Variants in CPSF2 observed in about 807,000 individuals in gnomAD.
CPSF2 encodes cleavage and polyadenylation specificity factor subunit 2.
In CPSF2, 51 loss-of-function variants were observed where a neutral mutation model predicts 84.2. The ratio of observed to expected loss-of-function variants is 0.61; its 90% confidence interval spans 0.48 to 0.77. The LOEUF is 0.77. Ranked by LOEUF, CPSF2 falls within the 30% of genes least tolerant of loss-of-function variation. The probability of loss-of-function intolerance (pLI) is 0.00; values close to 1 mark genes in which losing one functional copy is unlikely to be tolerated. For missense variants in CPSF2, 641 were observed against 929.4 expected, an observed-to-expected ratio of 0.69 and a Z score of 4.03; for synonymous variants, 286 against 311.9, an observed-to-expected ratio of 0.92 and a Z score of 0.87.
intron 9 of CPSF2, among the ~76,000 whole-genome samples, chr14:92,149,322 G>A (rs2069182053): frequency 2.0e-5 from 3 of 152,200 alleles, no homozygotes; most frequent in African/African-American, 7.2e-5. Context: ...CATGGCCCAT[G>A]CCTATTCCTA....
chr14:92,161,086 T>C (rs761396009), intron 14 of CPSF2, 26 bp from the exon 15 acceptor site: 1 of 1,609,666 alleles, frequency 6.2e-7, no homozygotes, highest in East Asian at 2.2e-5. Flanking sequence ...CTTGAAGTTA[T>C]TCTTTCCCCT....
chr14:92,138,036 G>A (rs2069023421), intron 6 of CPSF2, among the ~76,000 whole-genome samples, 196 bp from the exon 7 acceptor site: 1 of 152,118 alleles, frequency 6.6e-6, no homozygotes, highest in Admixed American at 6.6e-5. Context: ...TCTGAGTAAT[G>A]GTACTCTGGA....
At chr14:92,130,928 T>G in intron 2 of CPSF2, 23 bp from the exon 3 acceptor site, 1 of 1,456,926 alleles carries the variant, frequency 6.9e-7, no homozygotes, top group Non-Finnish European at 9.4e-7. Context: ...TATGTTTAAT[T>G]ATGTTTTCAT....
intron 1 of CPSF2, among the ~76,000 whole-genome samples, chr14:92,123,871 T>A (rs566270383): frequency 6.6e-6 from 1 of 152,362 alleles, no homozygotes; most frequent in East Asian, 1.9e-4. Context: ...TATACAAAGA[T>A]GATCACTTTT....
rs1290126542 is a variant in CPSF2, at chr14:92,161,520, C to T, written c.2257-132C>T. 4.9e-6 allele frequency: 3 copies of T among 613,874 alleles called. No homozygotes were observed. The Admixed American group carries it at 1.1e-4, about 23-fold the overall frequency. The allele number at this position is 613,874 out of a possible 1,614,324, so 38.0% of individuals were successfully genotyped here. A position where few individuals can be genotyped will look rare whatever the true frequency, so the allele number is the denominator to read the frequency against. Reference sequence around the variant, plus strand: ...AAATTCATGACTTCAATATTATATCCATATGCTGTGAATCAGAGCAACCCA... The same window carrying T: ...AAATTCATGACTTCAATATTATATCTATATGCTGTGAATCAGAGCAACCCA... On this transcript the variant is annotated intron_variant, in intron 15 of 15. Transcript: ENST00000298875.
chr14:92,166,881 C>T lies in CPSF2; in HGVS notation c.*5137C>T, dbSNP rs1032506012. 3 of 152,060 alleles carry T rather than the reference C, an allele frequency of 2.0e-5. No individual in the cohort carries two copies. Among genetic ancestry groups the T allele is most frequent in the African/African-American group, 7.2e-5 (3 of 41,392 alleles). The allele number at this position is 152,060 out of a possible 1,614,324, so 9.4% of individuals were successfully genotyped here. ...GTACCACATGTCTTCATTACTGTAGCTTTGTAGTAACTTTTGAAATTGGGG... is the reference window on the plus strand; with the variant it reads ...GTACCACATGTCTTCATTACTGTAGTTTTGTAGTAACTTTTGAAATTGGGG... On this transcript the variant is annotated 3_prime_UTR_variant, in exon 16 of 16. Transcript: ENST00000298875.
At position 92,143,222 on chromosome 14, in the gene CPSF2, C is replaced by G; in HGVS notation, c.1068C>G (p.Thr356=). 4 of 1,613,492 alleles carry G rather than the reference C, an allele frequency of 2.5e-6. No homozygotes were observed. The highest frequency in any genetic ancestry group is 3.4e-6 in the Non-Finnish European group (4 of 1,179,488). Residue 356 remains threonine (T), a synonymous_variant, in exon 9 of 16, where the codon ACC becomes ACG. Coordinates refer to ENST00000298875, the MANE Select transcript of CPSF2 (RefSeq NM_017437.3). ...ACCCTAAAAACTCAATCATTCTAAC[C>G]TACAGAACTACTCCTGGGACTTTAG... ...CQDPKNSIIL[T]YRTTPGTLAR...
intron 13 of CPSF2, 69 bp from the exon 14 acceptor site, chr14:92,158,913 TA>T: frequency 2.2e-6 from 3 of 1,335,634 alleles, no homozygotes; most frequent in Non-Finnish European, 3.1e-6. Flanking sequence ...AAAATGATAA[TA>T]GGTTATATTT....
Position 92,156,512 on chromosome 14 carries a change from T to G in CPSF2, c.1476T>G (p.Ala492=). Residue 492 remains alanine, a synonymous_variant, in exon 12 of 16, where the codon GCT becomes GCG. Transcript: ENST00000298875. ...PEDFLVPELQ[A]TEEEKSKLES... The stretch of plus-strand genomic sequence containing the variant: ...ATTTCTTAGTGCCAGAGCTTCAAGC[T>G]ACTGAAGAAGAAAAAAGCAAATTAG... 6.2e-7 allele frequency: 1 copy of G among 1,613,016 alleles called. No individual in the cohort carries two copies. Among genetic ancestry groups the G allele is most frequent in the Non-Finnish European group, 8.5e-7 (1 of 1,179,666 alleles).
rs530870914 is a variant in CPSF2, at chr14:92,163,335, T to C, written c.*1591T>C. ...CTACTATTGTAGATTATAGTGTTAA[T>C]GCAAAGTTTACAGACTTTTGATATG... On this transcript the variant is annotated 3_prime_UTR_variant, in exon 16 of 16. Transcript: ENST00000298875. 6.6e-6 allele frequency: 1 copy of C among 152,192 alleles called. No individual in the cohort carries two copies. Among genetic ancestry groups the C allele is most frequent in the Non-Finnish European group, 1.5e-5 (1 of 68,022 alleles). The allele number at this position is 152,192 out of a possible 1,614,324, so 9.4% of individuals were successfully genotyped here.
chr14:92,153,656 T>C (rs1161793598), intron 9 of CPSF2, among the ~76,000 whole-genome samples: 1 of 151,688 alleles, frequency 6.6e-6, no homozygotes, highest in Non-Finnish European at 1.5e-5. Flanking sequence ...CAAGTGATAC[T>C]CAGTCTCTGA....
At chr14:92,153,557 T>G (rs2069248375) in intron 9 of CPSF2, among the ~76,000 whole-genome samples, 1 of 152,202 alleles carries the variant, frequency 6.6e-6, no homozygotes, top group Non-Finnish European at 1.5e-5. Context: ...TTTCTTTTCC[T>G]GATTGGTGAT....
At chr14:92,122,867 T>TA (rs2068793913) in intron 1 of CPSF2, among the ~76,000 whole-genome samples, 1 of 151,228 alleles carries the variant, frequency 6.6e-6, no homozygotes, top group African/African-American at 2.4e-5. Flanking sequence ...TTTTTTTTTT[T>TA]TAATAAAGAC....
chr14:92,134,053 T>C lies in CPSF2; in HGVS notation c.192T>C (p.Asp64=). ...ATGCAGTGCTGTTGTCTCACCCTGA[T>C]CCTCTCCACCTTGGTGCCCTCCCGT... ...QIDAVLLSHP[D]PLHLGALPYA... Residue 64 remains aspartate (D), a synonymous_variant, in exon 4 of 16, where the codon GAT becomes GAC. Transcript: ENST00000298875. 2 of 1,614,208 alleles carry C rather than the reference T, an allele frequency of 1.2e-6. No individual in the cohort carries two copies. The highest frequency in any genetic ancestry group is 1.7e-6 in the Non-Finnish European group (2 of 1,180,032).
At chr14:92,131,358 T>G (rs1222684495) in intron 3 of CPSF2, among the ~76,000 whole-genome samples, 1 of 152,256 alleles carries the variant, frequency 6.6e-6, no homozygotes, top group Non-Finnish European at 1.5e-5. Flanking sequence ...CTAATGGATT[T>G]CAGTAGAAAC....
chr14:92,153,866 C>CTTTT (rs767628179), intron 9 of CPSF2, among the ~76,000 whole-genome samples: 6 of 121,644 alleles, frequency 4.9e-5, no homozygotes, highest in South Asian at 2.8e-4. Context: ...CCACTCCTGG[C>CTTTT]TTTTTTTTTT....
At position 92,168,139 on chromosome 14, in the gene CPSF2, T is replaced by G. The variant is rs1446390909; in HGVS notation, c.*6395T>G. 4.0e-5 allele frequency: 6 copies of G among 151,374 alleles called. No individual in the cohort carries two copies. The highest frequency in any genetic ancestry group is 1.5e-4 in the African/African-American group (6 of 41,120). 9.4% of individuals were successfully genotyped at this position (151,374 alleles called of 1,614,324 possible). On this transcript the variant is annotated 3_prime_UTR_variant, in exon 16 of 16. Transcript: ENST00000298875. ...GACGGGTGCCTATAATCCCAGCTAC[T>G]TGGGAGGCTGAGGCAGTAGAATCGC...
At chr14:92,152,337 C>A (rs566030025) in intron 9 of CPSF2, among the ~76,000 whole-genome samples, 1 of 151,958 alleles carries the variant, frequency 6.6e-6, no homozygotes, top group African/African-American at 2.4e-5. Context: ...CCATATTGAT[C>A]AGGCTTGTCT....
intron 2 of CPSF2, among the ~76,000 whole-genome samples, chr14:92,127,102 T>C (rs1444129930): frequency 2.0e-5 from 3 of 152,154 alleles, no homozygotes; most frequent in Non-Finnish European, 4.4e-5. Context: ...AATGTAACTG[T>C]GATGAAAACA....
Sources: allele counts gnomAD v4.1 joint callset (sites outside exome capture counted in the v4.1 genomes callset), GRCh38; gene constraint gnomAD v4.1.1; transcripts MANE v1.5; gene names NCBI Gene and HGNC (gene_info 2026-07-23, HGNC 2026-07-21).